FLT1: variants seen among roughly 807,000 people sequenced by gnomAD.
The protein encoded by FLT1 is vascular endothelial growth factor receptor 1.
A neutral mutation model predicts 156.3 loss-of-function variants in FLT1; 49 were observed. That is an observed-to-expected ratio of 0.31 (90% CI 0.25 to 0.40). The LOEUF (loss-of-function observed/expected upper bound fraction) is 0.40, where lower values mean the gene tolerates loss of function less well. Among genes scored for constraint, FLT1 ranks in the 10% least tolerant of loss-of-function variants. The probability of loss-of-function intolerance (pLI) is 1.00; values close to 1 mark genes in which losing one functional copy is unlikely to be tolerated. For missense variants in FLT1, 1,322 were observed against 1,637.2 expected (o/e 0.81, Z 3.32); for synonymous variants, 594 against 583.8 (o/e 1.02, Z -0.25).
intron 20 of FLT1, among the ~76,000 whole-genome samples, chr13:28,324,385 C>G (rs567667582): frequency 5.9e-5 from 9 of 152,108 alleles, no homozygotes; most frequent in Non-Finnish European, 1.0e-4. Context: ...AGTGATCCCT[C>G]CACTAGAGGG....
At chr13:28,445,192 CAG>C (rs1287915276) in intron 3 of FLT1, among the ~76,000 whole-genome samples, 1 of 151,986 alleles carries the variant, frequency 6.6e-6, no homozygotes, top group Non-Finnish European at 1.5e-5. Context: ...AGAAATGAAA[CAG>C]GGCCAGGTGC....
chr13:28,413,752 T>G (rs1308988427), intron 10 of FLT1, among the ~76,000 whole-genome samples: 1 of 152,242 alleles, frequency 6.6e-6, no homozygotes, highest in Non-Finnish European at 1.5e-5. Context: ...GAGAACAGCT[T>G]ACTTCTTATT....
At chr13:28,453,323 A>C (rs1365654216) in intron 3 of FLT1, among the ~76,000 whole-genome samples, 5 of 151,882 alleles carry the variant, frequency 3.3e-5, no homozygotes, top group Non-Finnish European at 7.4e-5. Context: ...GGGTTTCACC[A>C]TGTTGGTCAG....
At position 28,427,577 on chromosome 13, in the gene FLT1, A is replaced by T. The variant is rs17086671; in HGVS notation, c.1276+175T>A. On this transcript the variant is annotated intron_variant, in intron 9 of 29. Coordinates refer to ENST00000282397, the MANE Select transcript of FLT1 (RefSeq NM_002019.4). ...TGATAAAAGATCATGCCGCCTATGG[A>T]ATACAACAAACAAACACGAGATTGT... is the stretch of plus-strand genomic sequence containing the variant. Among the ~76,000 whole-genome samples, 138 of 152,348 alleles carry T rather than the reference A, an allele frequency of 9.1e-4. 3 individuals are homozygous for T. In the East Asian group the frequency reaches 0.024, roughly 27 times the overall value.
intron 12 of FLT1, among the ~76,000 whole-genome samples, chr13:28,392,816 C>A (rs972995580): frequency 2.0e-5 from 3 of 152,158 alleles, no homozygotes; most frequent in Non-Finnish European, 4.4e-5. Flanking sequence ...AGCAAAGAAC[C>A]AAATTCGTTT....
intron 13 of FLT1, chr13:28,386,642 CT>C: frequency 1.9e-6 from 2 of 1,056,796 alleles, no homozygotes; most frequent in Non-Finnish European, 2.3e-6. Context: ...TGCCAAACAG[CT>C]TTTCCTAATT....
intron 14 of FLT1, among the ~76,000 whole-genome samples, chr13:28,382,029 G>T (rs1327726003): frequency 6.6e-6 from 1 of 152,192 alleles, no homozygotes; most frequent in African/African-American, 2.4e-5. Context: ...CTCTGGAGGG[G>T]AGACATATAT....
In FLT1 at chr13:28,427,293, G is replaced by A. The variant is rs61763178; in HGVS notation, c.1302C>T (p.Ala434=). 1.2e-3 allele frequency: 1,948 copies of A among 1,613,938 alleles called. 21 individuals carry two copies. The African/African-American group carries it at 0.021, about 18-fold the overall frequency. ...VNVKPQIYEK[A]VSSFPDPALY... ...GAGCCGGGTCTGGAAACGATGACAC[G>A]GCCTTTTCGTAAATCTGGGGTTTCA... Residue 434 remains alanine (A), a synonymous_variant, in exon 10 of 30, where the codon GCC becomes GCT. Transcript: ENST00000282397.
intron 3 of FLT1, among the ~76,000 whole-genome samples, chr13:28,453,027 CTTT>C (rs1879048897): frequency 8.7e-3 from 4 of 460 alleles, no homozygotes; most frequent in Non-Finnish European, 7.5e-3. Flanking sequence ...TCCCCCTCCC[CTTT>C]CCTTTCCTTT....
chr13:28,357,889 T>TTCC (rs1491354372), intron 14 of FLT1, among the ~76,000 whole-genome samples: 1 of 145,182 alleles, frequency 6.9e-6, no homozygotes, highest in Non-Finnish European at 1.5e-5. Context: ...TTTTTTTTTT[T>TTCC]CTGCAGGCTT....
At position 28,388,742 on chromosome 13, in the gene FLT1, A is replaced by G. The variant is rs975246946; in HGVS notation, c.1969+1054T>C. The G allele has an allele frequency of 2.2e-5, 23 of 1,058,766 alleles. 1 individual carries two copies. The South Asian group carries it at 1.0e-3, about 48-fold the overall frequency. The allele number at this position is 1,058,766 out of a possible 1,614,324, so 65.6% of individuals were successfully genotyped here. On this transcript the variant is annotated intron_variant, in intron 13 of 29. Coordinates refer to ENST00000282397, the MANE Select transcript of FLT1 (RefSeq NM_002019.4). The stretch of plus-strand genomic sequence containing the variant: ...GGGCAAATTTTAAATTTACATTTAG[A>G]AGAATGCATTAAATCTCTGGTTACA...
chr13:28,428,179 C>T (rs578051907), intron 8 of FLT1, among the ~76,000 whole-genome samples: 21 of 152,268 alleles, frequency 1.4e-4, no homozygotes, highest in African/African-American at 5.1e-4. Context: ...AGTGTGCCCA[C>T]AGGCATACTG....
rs1414423930 is a variant in FLT1, at chr13:28,301,878, C to A, written c.*1289G>T. On this transcript the variant is annotated 3_prime_UTR_variant, in exon 30 of 30. Coordinates refer to ENST00000282397, the MANE Select transcript of FLT1 (RefSeq NM_002019.4). ...TCCTGAGTCCCAACTGGAGAAATACCTTGCATAAATTACATACCACCTTTT... is the reference window on the plus strand; with the variant it reads ...TCCTGAGTCCCAACTGGAGAAATACATTGCATAAATTACATACCACCTTTT... The A allele has an allele frequency of 4.3e-6, 1 of 233,486 alleles. No homozygotes were observed. The allele number at this position is 233,486 out of a possible 1,614,324, so 14.5% of individuals were successfully genotyped here. A position where few individuals can be genotyped will look rare whatever the true frequency, so the allele number is the denominator to read the frequency against.
intron 13 of FLT1, chr13:28,389,174 A>G: frequency 9.3e-7 from 1 of 1,078,462 alleles, no homozygotes; most frequent in South Asian, 4.5e-5. Flanking sequence ...TTTCAAATAA[A>G]TAAGCATTAT....
At chr13:28,436,929 A>G (rs1370225345) in intron 4 of FLT1, among the ~76,000 whole-genome samples, 1 of 152,200 alleles carries the variant, frequency 6.6e-6, no homozygotes, top group East Asian at 1.9e-4. Flanking sequence ...TAGTTTGCCC[A>G]GTGACAAGTG....
intron 11 of FLT1, among the ~76,000 whole-genome samples, chr13:28,403,405 C>T (rs1875585655): frequency 6.6e-6 from 1 of 152,178 alleles, no homozygotes; most frequent in African/African-American, 2.4e-5. Flanking sequence ...TGATACTCCA[C>T]CTCCACTGAT....
At chr13:28,353,465 C>T (rs530394137) in intron 15 of FLT1, among the ~76,000 whole-genome samples, 2 of 150,180 alleles carry the variant, frequency 1.3e-5, no homozygotes, top group East Asian at 2.0e-4. Flanking sequence ...CCCAGCTACT[C>T]GGGAGGCTGA....
chr13:28,458,101 ATT>A (rs1879368550), intron 3 of FLT1, among the ~76,000 whole-genome samples: 1 of 150,874 alleles, frequency 6.6e-6, no homozygotes, highest in Non-Finnish European at 1.5e-5. Flanking sequence ...CACCTGGCTA[ATT>A]TTTTTGTACT....
intron 3 of FLT1, among the ~76,000 whole-genome samples, chr13:28,453,806 T>C (rs1173908700): frequency 6.6e-6 from 1 of 152,248 alleles, no homozygotes; most frequent in East Asian, 1.9e-4. Context: ...AACAAAGATT[T>C]ACTGAGCACC....
Sources: gnomAD v4.1 joint callset for allele counts (sites outside exome capture counted in the v4.1 genomes callset) on GRCh38, gnomAD v4.1.1 for gene constraint, MANE v1.5 for transcripts, NCBI Gene and HGNC (gene_info 2026-07-23, HGNC 2026-07-21) for gene names.